Variants in TLE4 observed in about 807,000 individuals in gnomAD.
TLE4 encodes TLE family member 4, transcriptional corepressor, also known as transducin-like enhancer protein 4.
In TLE4, 8 loss-of-function variants were observed where a neutral mutation model predicts 92.8. The observed-to-expected ratio is 0.09, with a 90% CI of 0.05 to 0.16. The LOEUF is 0.16. Among genes scored for constraint, TLE4 ranks in the 10% least tolerant of loss-of-function variants. The pLI is 1.00. For synonymous variants in TLE4, 371 were observed against 374.1 expected (o/e 0.99, Z 0.10); for missense variants, 675 against 997.6 (o/e 0.68, Z 4.36).
chr9:79,574,771 T>A, intron 2 of TLE4, 102 bp from the exon 3 acceptor site: 1 of 959,168 alleles, frequency 1.0e-6, no homozygotes, highest in Non-Finnish European at 1.6e-6. Flanking sequence ...TATTTAAGAT[T>A]GTTGATTTAG....
At chr9:79,685,961 T>C (rs539134095) in intron 8 of TLE4, among the ~76,000 whole-genome samples, 3 of 152,164 alleles carry the variant, frequency 2.0e-5, no homozygotes, top group East Asian at 3.9e-4. Context: ...TAACCACAGA[T>C]TGAAAGTATT....
intron 11 of TLE4, among the ~76,000 whole-genome samples, chr9:79,707,380 A>G (rs1276832230): frequency 6.6e-6 from 1 of 152,196 alleles, no homozygotes; most frequent in Non-Finnish European, 1.5e-5. Flanking sequence ...GCAAAAATGA[A>G]CTGCTCACCC....
intron 8 of TLE4, among the ~76,000 whole-genome samples, chr9:79,679,659 G>C (rs565967931): frequency 6.6e-6 from 1 of 152,286 alleles, no homozygotes; most frequent in African/African-American, 2.4e-5. Flanking sequence ...TCTTGCCATT[G>C]CTTTTGGTGT....
At chr9:79,664,126 G>C (rs527244547) in intron 8 of TLE4, among the ~76,000 whole-genome samples, 1 of 152,316 alleles carries the variant, frequency 6.6e-6, no homozygotes, top group Admixed American at 6.5e-5. Flanking sequence ...GGGTAATCTG[G>C]AGCAGTCCCC....
intron 16 of TLE4, 42 bp from the exon 17 acceptor site, chr9:79,721,699 G>A (rs2075672182): frequency 1.2e-6 from 2 of 1,612,758 alleles, no homozygotes; most frequent in Admixed American, 1.7e-5. Context: ...TTAACTAAAA[G>A]CTAACTTTTC....
intron 11 of TLE4, chr9:79,707,331 T>A: frequency 1.2e-6 from 1 of 852,872 alleles, no homozygotes; most frequent in South Asian, 1.6e-5. Flanking sequence ...ATCTCTCATT[T>A]ACAAAAGTCT....
chr9:79,683,088 T>G (rs537932145), intron 8 of TLE4, among the ~76,000 whole-genome samples: 25 of 152,306 alleles, frequency 1.6e-4, no homozygotes, highest in Admixed American at 8.5e-4. Context: ...TACAAGACCT[T>G]ATGTGGGTTG....
At chr9:79,576,468 G>A (rs1343746520) in intron 4 of TLE4, 1 of 219,450 alleles carries the variant, frequency 4.6e-6, no homozygotes, top group African/African-American at 2.3e-5. Flanking sequence ...TTATTCTTCT[G>A]AAAGAGTTGC....
At chr9:79,593,127 T>A (rs1203376383) in intron 4 of TLE4, among the ~76,000 whole-genome samples, 1 of 152,138 alleles carries the variant, frequency 6.6e-6, no homozygotes, top group Admixed American at 6.5e-5. Context: ...AAAGTTAAGA[T>A]GAAATTAAAA....
intron 15 of TLE4, among the ~76,000 whole-genome samples, chr9:79,719,235 C>G (rs1276382216): frequency 6.6e-6 from 1 of 152,036 alleles, no homozygotes; most frequent in Admixed American, 6.6e-5. Flanking sequence ...TTGTTTTCCT[C>G]TCTGATGGTT....
intron 8 of TLE4, among the ~76,000 whole-genome samples, chr9:79,655,148 C>T (rs1038860479): frequency 2.7e-5 from 4 of 147,630 alleles, no homozygotes; most frequent in African/African-American, 5.3e-5. Context: ...CTCAAAAATA[C>T]ATACATACAT....
chr9:79,628,252 A>G (rs1327245416), intron 6 of TLE4, among the ~76,000 whole-genome samples: 1 of 152,124 alleles, frequency 6.6e-6, no homozygotes, highest in African/African-American at 2.4e-5. Context: ...CTACAACTGC[A>G]CTTTCCTCTT....
intron 8 of TLE4, among the ~76,000 whole-genome samples, chr9:79,690,798 T>G (rs1371383385): frequency 7.2e-6 from 1 of 139,244 alleles, no homozygotes; most frequent in Non-Finnish European, 1.6e-5. Context: ...TTTTTTTTTT[T>G]TTTTTTTTTG....
rs2053588176 is a variant in TLE4, at chr9:79,629,372, T to G, written c.390+1924T>G. ...CATCAAGAATATTTTTAATATTGTT[T>G]TATATTTATTCATTTTTATATACTT... is the stretch of plus-strand genomic sequence containing the variant. On this transcript the variant is annotated intron_variant, in intron 6 of 19. Transcript: ENST00000376552. Among the ~76,000 whole-genome samples, 9 of 152,262 alleles carry G rather than the reference T, an allele frequency of 5.9e-5. No homozygotes were observed. In the South Asian group the frequency reaches 1.9e-3, roughly 32 times the overall value.
intron 8 of TLE4, among the ~76,000 whole-genome samples, chr9:79,663,054 G>T (rs1193597373): frequency 2.4e-5 from 3 of 125,960 alleles, no homozygotes; most frequent in East Asian, 4.1e-4. Flanking sequence ...CTGGGTGGGG[G>T]TGGGGGTGGG....
chr9:79,604,908 C>T (rs1392435823), intron 4 of TLE4, among the ~76,000 whole-genome samples: 1 of 152,088 alleles, frequency 6.6e-6, no homozygotes, highest in Non-Finnish European at 1.5e-5. Context: ...CTTCTTCCCT[C>T]TACTGTGGCT....
In TLE4 at chr9:79,705,934, T is replaced by G; in HGVS notation, c.775T>G (p.Ser259Ala). 6.2e-7 allele frequency: 1 copy of G among 1,614,214 alleles called. No homozygotes were observed. Among genetic ancestry groups the G allele is most frequent in the Non-Finnish European group, 8.5e-7 (1 of 1,180,038 alleles). The change falls in exon 10 of 20, where the codon TCC becomes GCC. Residue 259 changes from serine to alanine, a missense_variant. Around this residue, in one of 5 missense-constraint regions of TLE4, gnomAD observed 280 missense variants for 287.3 expected, o/e 0.97. Coordinates refer to ENST00000376552, the MANE Select transcript of TLE4 (RefSeq NM_007005.6). ...KSDDNLVVDV[S>A]NEDPSSPRGS... Reference sequence around the variant, plus strand: ...TGATGACAACTTGGTGGTTGACGTTTCCAATGAGGTATGTTTGTGGCTACT... The same window carrying G: ...TGATGACAACTTGGTGGTTGACGTTGCCAATGAGGTATGTTTGTGGCTACT...
intron 8 of TLE4, among the ~76,000 whole-genome samples, chr9:79,679,306 G>C (rs563711359): frequency 4.0e-4 from 61 of 152,132 alleles, no homozygotes; most frequent in African/African-American, 1.5e-3. Flanking sequence ...TTTAATGATC[G>C]CCATTCTAAC....
At chr9:79,663,356 A>G (rs572148619) in intron 8 of TLE4, 65 of 152,346 alleles carry the variant, frequency 4.3e-4, no homozygotes, top group African/African-American at 1.4e-3. Flanking sequence ...TTAAAATGAA[A>G]TAGAATTTTC....
Sources: gnomAD v4.1 joint callset for allele counts (sites outside exome capture counted in the v4.1 genomes callset) on GRCh38, gnomAD v4.1.1 for gene constraint, gnomAD v4.1.1 regional missense constraint, MANE v1.5 for transcripts, NCBI Gene and HGNC (gene_info 2026-07-23, HGNC 2026-07-21) for gene names.